Variants in STARD13 observed in about 807,000 individuals in gnomAD.
STARD13 encodes the protein stAR-related lipid transfer protein 13.
Under a neutral mutation model 106.4 loss-of-function variants are expected in STARD13, and 62 were observed. The ratio of observed to expected loss-of-function variants is 0.58; its 90% confidence interval spans 0.48 to 0.72. STARD13 has a LOEUF of 0.72. Ranked by LOEUF, STARD13 falls within the 30% of genes least tolerant of loss-of-function variation. The probability of loss-of-function intolerance (pLI) is 0.00; values close to 1 mark genes in which losing one functional copy is unlikely to be tolerated. For synonymous variants in STARD13, 565 were observed against 553.0 expected, an observed-to-expected ratio of 1.02 and a Z score of -0.31; for missense variants, 1,387 against 1,424.0, an observed-to-expected ratio of 0.97 and a Z score of 0.42.
chr13:33,175,400 A>G (rs1487599299), intron 1 of STARD13, among the ~76,000 whole-genome samples: 1 of 152,218 alleles, frequency 6.6e-6, no homozygotes, highest in Non-Finnish European at 1.5e-5. Flanking sequence ...ATAGAGCATC[A>G]TAATTTGCAA....
the STARD13 span, among the ~76,000 whole-genome samples, chr13:33,466,750 G>T: frequency 3.9e-5 from 6 of 152,018 alleles, no homozygotes; most frequent in Non-Finnish European, 7.4e-5. Context: ...AACTAACTTA[G>T]AAAAATACCA....
chr13:33,561,744 A>G, the STARD13 span, among the ~76,000 whole-genome samples: 3 of 146,830 alleles, frequency 2.0e-5, 1 homozygote, highest in Non-Finnish European at 4.5e-5. Context: ...ATTATACTCT[A>G]ACACTTAGTA....
the STARD13 span, among the ~76,000 whole-genome samples, chr13:33,631,035 G>C: frequency 1.3e-5 from 2 of 152,150 alleles, no homozygotes; most frequent in African/African-American, 4.8e-5. Flanking sequence ...TTGTAAATTA[G>C]ATCCCATGTT....
upstream of STARD13, among the ~76,000 whole-genome samples, chr13:33,353,260 C>T (rs140648620): frequency 3.5e-3 from 539 of 152,336 alleles, 1 homozygote; most frequent in Middle Eastern, 6.8e-3. Context: ...TCCCTGTCAA[C>T]ACTGCAATCT....
the STARD13 span, among the ~76,000 whole-genome samples, chr13:33,421,264 A>C: frequency 9.2e-5 from 14 of 152,236 alleles, 1 homozygote; most frequent in Admixed American, 7.9e-4. Context: ...TAAAGGGAAT[A>C]TCACCACTGA....
At chr13:33,412,390 A>T in the STARD13 span, among the ~76,000 whole-genome samples, 1 of 152,212 alleles carries the variant, frequency 6.6e-6, no homozygotes, top group Non-Finnish European at 1.5e-5. Context: ...TTTTCAAGTA[A>T]CACACAAGAA....
intron 1 of STARD13, among the ~76,000 whole-genome samples, chr13:33,297,370 C>T (rs1164882753): frequency 6.6e-6 from 1 of 152,198 alleles, no homozygotes; most frequent in East Asian, 1.9e-4. Flanking sequence ...ATAGAACTTG[C>T]TATCTTTTGT....
At chr13:33,651,817 C>A in the STARD13 span, among the ~76,000 whole-genome samples, 1 of 152,192 alleles carries the variant, frequency 6.6e-6, no homozygotes, top group Admixed American at 6.5e-5. Context: ...GCAAGAAGTC[C>A]TTCCACTCTG....
At chr13:33,642,310 A>G in the STARD13 span, among the ~76,000 whole-genome samples, 1 of 152,242 alleles carries the variant, frequency 6.6e-6, no homozygotes, top group African/African-American at 2.4e-5. Flanking sequence ...GTGATCAGCA[A>G]TGCAGACAGA....
At chr13:33,655,521 T>G in the STARD13 span, among the ~76,000 whole-genome samples, 1 of 152,208 alleles carries the variant, frequency 6.6e-6, no homozygotes, top group Non-Finnish European at 1.5e-5. Flanking sequence ...ATTCCAGTCC[T>G]AATCTCTCCA....
the STARD13 span, among the ~76,000 whole-genome samples, chr13:33,528,710 C>T: frequency 6.6e-6 from 1 of 152,162 alleles, no homozygotes; most frequent in African/African-American, 2.4e-5. Flanking sequence ...AAATAAGAGG[C>T]CTTCCAGTTT....
intron 1 of STARD13, among the ~76,000 whole-genome samples, chr13:33,233,926 G>A (rs1889055464): frequency 6.6e-6 from 1 of 152,210 alleles, no homozygotes; most frequent in South Asian, 2.1e-4. Context: ...CCTCCTGCAA[G>A]GGGTTGAGCA....
the STARD13 span, among the ~76,000 whole-genome samples, chr13:33,590,496 A>T: frequency 6.6e-6 from 1 of 151,942 alleles, no homozygotes; most frequent in African/African-American, 2.4e-5. Flanking sequence ...TGGCACATAT[A>T]CACCATGGAA....
the STARD13 span, among the ~76,000 whole-genome samples, chr13:33,504,680 A>AC: frequency 6.6e-6 from 1 of 152,120 alleles, no homozygotes; most frequent in Non-Finnish European, 1.5e-5. Flanking sequence ...GGTGCAGCAC[A>AC]CCAACATGGC....
chr13:33,529,973 A>T, the STARD13 span, among the ~76,000 whole-genome samples: 2 of 152,104 alleles, frequency 1.3e-5, no homozygotes, highest in African/African-American at 4.8e-5. Flanking sequence ...GCCCTGTGAA[A>T]TTTTTTATTG....
intron 3 of STARD13, among the ~76,000 whole-genome samples, chr13:33,150,640 C>A (rs1881152187): frequency 6.6e-6 from 1 of 152,152 alleles, no homozygotes; most frequent in Non-Finnish European, 1.5e-5. Context: ...AAGAGAAAAC[C>A]CATGGCACAT....
chr13:33,624,878 C>T, the STARD13 span, among the ~76,000 whole-genome samples: 1 of 152,220 alleles, frequency 6.6e-6, no homozygotes, highest in Non-Finnish European at 1.5e-5. Flanking sequence ...GCAGCTGCCT[C>T]CTCTCATAAT....
At chr13:33,321,509 A>G (rs1367263844) in intron 1 of STARD13, among the ~76,000 whole-genome samples, 6 of 148,614 alleles carry the variant, frequency 4.0e-5, no homozygotes, top group Middle Eastern at 3.6e-3. Context: ...GTCTCAGGGA[A>G]AAAAAAAAAA....
At chr13:33,645,548 T>C in the STARD13 span, among the ~76,000 whole-genome samples, 42 of 152,210 alleles carry the variant, frequency 2.8e-4, no homozygotes, top group African/African-American at 1.0e-3. Flanking sequence ...GCAGGTGCTC[T>C]TTTAACTATG....
Sources: allele counts gnomAD v4.1 joint callset (sites outside exome capture counted in the v4.1 genomes callset), GRCh38; gene constraint gnomAD v4.1.1; transcripts MANE v1.5; gene names NCBI Gene and HGNC (gene_info 2026-07-23, HGNC 2026-07-21).